Variants in PTAR1 observed in about 807,000 individuals in gnomAD.
PTAR1 encodes protein prenyltransferase alpha subunit repeat-containing protein 1.
A neutral mutation model predicts 45.5 loss-of-function variants in PTAR1; 17 were observed. The observed-to-expected ratio is 0.37, with a 90% CI of 0.26 to 0.56. The LOEUF (loss-of-function observed/expected upper bound fraction) is 0.56. PTAR1 is among the 20% of genes least tolerant of loss of function. The probability of loss-of-function intolerance (pLI) is 0.77; values close to 1 mark genes in which losing one functional copy is unlikely to be tolerated. For missense variants in PTAR1, 391 were observed against 476.3 expected, an observed-to-expected ratio of 0.82 and a Z score of 1.67; for synonymous variants, 169 against 171.3, an observed-to-expected ratio of 0.99 and a Z score of 0.11.
In PTAR1 at chr9:69,723,369, G is replaced by A. The variant is rs779017088; in HGVS notation, c.904C>T (p.Leu302Phe). 2.5e-6 allele frequency: 4 copies of A among 1,613,712 alleles called. No homozygotes were observed. Among genetic ancestry groups the A allele is most frequent in the Admixed American group, 1.7e-5 (1 of 59,990 alleles). Residue 302 changes from leucine (L) to phenylalanine (F), a missense_variant, in exon 6 of 8, where the codon CTT becomes TTT. Transcript: ENST00000340434. ...TCATGTCCTGGGTAGGAATCAATAA[G>A]ATCAGTGCTGAATTCAACTTCTTCT... ...LEEEVEFSTD[L>F]IDSYPGHETL...
chr9:69,739,521 A>G (rs1825944608), intron 3 of PTAR1, among the ~76,000 whole-genome samples: 1 of 152,058 alleles, frequency 6.6e-6, no homozygotes, highest in African/African-American at 2.4e-5. Context: ...TCTTTCCCCT[A>G]AGACTGCAAT....
Position 69,739,820 on chromosome 9 carries a change from T to A in PTAR1, c.323+1972A>T, listed in dbSNP as rs953990204. On this transcript the variant is annotated intron_variant, in intron 3 of 7. Coordinates refer to ENST00000340434, the MANE Select transcript of PTAR1 (RefSeq NM_001099666.2). ...GAACACATATCCACAAAGGATTTTT[T>A]AAAAATCAAGATTCCCTTTCTACTC... Among the ~76,000 whole-genome samples the A allele has an allele frequency of 3.9e-5, 6 of 152,264 alleles. 1 individual carries two copies. Among genetic ancestry groups the A allele is most frequent in the Admixed American group, 2.0e-4 (3 of 15,288 alleles).
At position 69,716,433 on chromosome 9, in the gene PTAR1, G is replaced by A. The variant is rs897680323; in HGVS notation, c.*1909C>T. 3.9e-5 allele frequency: 6 copies of A among 152,066 alleles called. No homozygotes were observed. The highest frequency in any genetic ancestry group is 5.9e-5 in the Non-Finnish European group (4 of 67,996). The allele number at this position is 152,066 out of a possible 1,614,324, so 9.4% of individuals were successfully genotyped here. ...TATAAAAAGGTAATTTTTTACTTGA[G>A]AGAAGAACAAATTCTGTCTACTGGG... On this transcript the variant is annotated 3_prime_UTR_variant, in exon 8 of 8. Transcript: ENST00000340434.
chr9:69,723,606 T>C lies in PTAR1; in HGVS notation c.667A>G (p.Thr223Ala), dbSNP rs774121222. The change falls in exon 6 of 8, where the codon ACT (threonine) becomes GCT (alanine). Residue 223 changes from threonine to alanine, a missense_variant. Thr to Ala is a moderately conservative substitution (Grantham distance 58). This residue lies in a region of PTAR1 where 181 missense variants were observed against 227.7 expected (regional missense o/e 0.80). Transcript: ENST00000340434. ...ACGTGCATAGATGCCCAATGTTTAG[T>C]AGAAGATAGTTCATCAAGAAGAATC... ...VKILLDELSS[T>A]KHWASMHVSD... 8 of 1,609,348 alleles carry C rather than the reference T, an allele frequency of 5.0e-6. No homozygotes were observed. In the East Asian group the frequency reaches 8.9e-5, roughly 18 times the overall value.
At chr9:69,724,369 C>A (rs1034826238) in intron 5 of PTAR1, among the ~76,000 whole-genome samples, 1 of 152,092 alleles carries the variant, frequency 6.6e-6, no homozygotes, top group South Asian at 2.1e-4. Flanking sequence ...AAAAGCAGCA[C>A]CTATGCAAAA....
chr9:69,724,479 T>C (rs1342197707), intron 5 of PTAR1, among the ~76,000 whole-genome samples: 1 of 152,108 alleles, frequency 6.6e-6, no homozygotes, highest in Non-Finnish European at 1.5e-5. Flanking sequence ...TCAGACCAGC[T>C]AAGGAAAAAA....
At chr9:69,719,870 ATAAC>A (rs1297205005) in intron 6 of PTAR1, among the ~76,000 whole-genome samples, 7 of 152,250 alleles carry the variant, frequency 4.6e-5, no homozygotes, top group African/African-American at 7.2e-5. Flanking sequence ...TGTTACTACT[ATAAC>A]TATTTTGGGG....
At chr9:69,728,795 G>C (rs1277066536) in intron 5 of PTAR1, among the ~76,000 whole-genome samples, 1 of 151,970 alleles carries the variant, frequency 6.6e-6, no homozygotes, top group Non-Finnish European at 1.5e-5. Flanking sequence ...ACATAAAATA[G>C]AAAATTAGTG....
At chr9:69,749,190 C>T (rs1266182809) in intron 2 of PTAR1, among the ~76,000 whole-genome samples, 1 of 152,114 alleles carries the variant, frequency 6.6e-6, no homozygotes, top group Non-Finnish European at 1.5e-5. Context: ...ACTTGGAAGA[C>T]CACAGAAAGG....
Position 69,710,557 on chromosome 9 carries a change from C to G in PTAR1, c.*7785G>C, listed in dbSNP as rs1824485929. 1 of 152,108 alleles carries G rather than the reference C, an allele frequency of 6.6e-6. No homozygotes were observed. Among genetic ancestry groups the G allele is most frequent in the African/African-American group, 2.4e-5 (1 of 41,428 alleles). 9.4% of individuals were successfully genotyped at this position (152,108 alleles called of 1,614,324 possible). A position where few individuals can be genotyped will look rare whatever the true frequency, so the allele number is the denominator to read the frequency against. On this transcript the variant is annotated 3_prime_UTR_variant, in exon 8 of 8. Coordinates refer to ENST00000340434, the MANE Select transcript of PTAR1 (RefSeq NM_001099666.2). ...ACTCCCAGAAACCCATAAGCACACT[C>G]TGCATATAAATTATTGCAAAATTCA...
intron 2 of PTAR1, 124 bp downstream of exon 2, chr9:69,750,657 C>T (rs1031469891): frequency 4.0e-5 from 28 of 699,954 alleles, no homozygotes; most frequent in African/African-American, 3.4e-4. Context: ...TAGCACCCAC[C>T]GAGACAGTGA....
chr9:69,723,279 T>C (rs1382735004), intron 6 of PTAR1, 47 bp downstream of exon 6: 16 of 1,497,020 alleles, frequency 1.1e-5, no homozygotes, highest in African/African-American at 1.4e-5. Flanking sequence ...GCAGCTCTCA[T>C]GAAGACATGC....
At chr9:69,756,881 G>C (rs575663737) in intron 1 of PTAR1, among the ~76,000 whole-genome samples, 137 of 152,250 alleles carry the variant, frequency 9.0e-4, no homozygotes, top group Non-Finnish European at 1.6e-3. Context: ...GTAGTCACTA[G>C]GCACATGGAG....
chr9:69,726,169 T>C (rs1422048345), intron 5 of PTAR1, among the ~76,000 whole-genome samples: 1 of 152,078 alleles, frequency 6.6e-6, no homozygotes, highest in Non-Finnish European at 1.5e-5. Context: ...ACAAAAATCA[T>C]CCATTATTTT....
intron 3 of PTAR1, among the ~76,000 whole-genome samples, chr9:69,737,062 C>T (rs936273448): frequency 9.2e-5 from 14 of 151,642 alleles, no homozygotes; most frequent in African/African-American, 3.4e-4. Context: ...GTAACATTAA[C>T]AGCAATCACA....
rs1824604008 is a variant in PTAR1, at chr9:69,713,496, T to C, written c.*4846A>G. On this transcript the variant is annotated 3_prime_UTR_variant, in exon 8 of 8. Transcript: ENST00000340434. ...ATATACAAACAGATAAAATGATACATTTAAAATTTCATCTACGCATTTACT... is the reference window on the plus strand; with the variant it reads ...ATATACAAACAGATAAAATGATACACTTAAAATTTCATCTACGCATTTACT... 6.6e-6 allele frequency: 1 copy of C among 152,168 alleles called. No individual in the cohort carries two copies. The highest frequency in any genetic ancestry group is 2.4e-5 in the African/African-American group (1 of 41,460). The allele number at this position is 152,168 out of a possible 1,614,324, so 9.4% of individuals were successfully genotyped here.
intron 6 of PTAR1, among the ~76,000 whole-genome samples, chr9:69,720,910 C>T (rs532515410): frequency 6.6e-6 from 1 of 152,312 alleles, no homozygotes; most frequent in East Asian, 1.9e-4. Context: ...TGCGCATTGA[C>T]TATGCACCTA....
At chr9:69,739,418 T>TA (rs397941927) in intron 3 of PTAR1, among the ~76,000 whole-genome samples, 7,316 of 145,260 alleles carry the variant, frequency 0.05, 577 homozygotes, top group African/African-American at 0.17. Context: ...CAGTTTTCTT[T>TA]AAAAAAAAAA....
rs749422932 is a variant in PTAR1 at position 69,759,931 on chromosome 9, T to A, written c.8A>T (p.Glu3Val). The A allele has an allele frequency of 2.7e-6, 4 of 1,508,372 alleles. No individual in the cohort carries two copies. In the South Asian group the frequency reaches 3.7e-5, roughly 14 times the overall value. The allele number at this position is 1,508,372 out of a possible 1,614,324, so 93.4% of individuals were successfully genotyped here. ...CAGCACCGCCACCTCCTCGCTGGTC[T>A]CGGCCATGTTGGCGGCGGCCGCGAC... MA[E>V]TSEEVAVLVQ... The change falls in exon 1 of 8, where the codon GAG becomes GTG. Residue 3 changes from glutamate (E) to valine (V), a missense_variant. Coordinates refer to ENST00000340434, the MANE Select transcript of PTAR1 (RefSeq NM_001099666.2).
Sources: allele counts gnomAD v4.1 joint callset (sites outside exome capture counted in the v4.1 genomes callset), GRCh38; gene constraint gnomAD v4.1.1; regional missense constraint gnomAD v4.1.1; transcripts MANE v1.5; gene names NCBI Gene and HGNC (gene_info 2026-07-23, HGNC 2026-07-21).